Variants in WDR90 observed in about 807,000 individuals in gnomAD.
The protein encoded by WDR90 is WD repeat-containing protein 90.
A neutral mutation model predicts 195.2 loss-of-function variants in WDR90; 238 were observed. The observed-to-expected ratio is 1.22, with a 90% CI of 1.10 to 1.36. WDR90 has a LOEUF of 1.36. WDR90 is among the 40% of genes most tolerant of loss of function. The pLI is 0.00. For missense variants in WDR90, 2,734 were observed against 2,439.5 expected (o/e 1.12, Z -2.54); for synonymous variants, 1,265 against 1,052.4 (o/e 1.20, Z -3.91).
chr16:655,719 C>T lies in WDR90; in HGVS notation c.1849+16C>T. The T allele has an allele frequency of 1.3e-6, 2 of 1,582,882 alleles. No homozygotes were observed. Among genetic ancestry groups the T allele is most frequent in the Admixed American group, 1.8e-5 (1 of 55,990 alleles). On this transcript the variant is annotated intron_variant, in intron 16 of 40. Transcript: ENST00000293879. Reference sequence around the variant, plus strand: ...TTCAGCTCAGGTAAGAGGGCGCCCACCACGTGGCCAGGGTGGCAGGGACAC... The same window carrying T: ...TTCAGCTCAGGTAAGAGGGCGCCCATCACGTGGCCAGGGTGGCAGGGACAC...
In WDR90 at chr16:662,043, G is replaced by A. The variant is rs185839646; in HGVS notation, c.4017G>A (p.Ala1339=). 4.4e-4 allele frequency: 702 copies of A among 1,601,762 alleles called. 2 individuals are homozygous for A. In the African/African-American group the frequency reaches 8.1e-3, roughly 18 times the overall value. Residue 1339 remains alanine (A), a synonymous_variant, in exon 32 of 41, where the codon GCG becomes GCA. Transcript: ENST00000293879. ...GCCGCTGCTTCTTGTCCTGGGAGGC[G>A]GATGACGGTGGCATTGGTGAGTGCC... is the stretch of plus-strand genomic sequence containing the variant. ...RAGRCFLSWE[A]DDGGIGLLLF... is the part of the protein sequence containing the mutation.
At position 661,077 on chromosome 16, in the gene WDR90, C is replaced by A. The variant is rs866959881; in HGVS notation, c.3418C>A (p.Leu1140Met). Residue 1140 changes from leucine to methionine, a missense_variant, in exon 29 of 41, where the codon CTG becomes ATG. Leu to Met is a conservative substitution (Grantham distance 15, BLOSUM62 2). Coordinates refer to ENST00000293879, the MANE Select transcript of WDR90 (RefSeq NM_145294.5). ...CTTCTTTGCCTACACGTGCGGCCGC[C>A]TGGTGGTGGTGGAGGACCTGCACTC... ...TGFFAYTCGR[L>M]VVVEDLHSGA... The A allele has an allele frequency of 6.9e-7, 1 of 1,455,882 alleles. No homozygotes were observed. The highest frequency in any genetic ancestry group is 3.8e-5 in the East Asian group (1 of 26,364). 90.2% of individuals were successfully genotyped at this position (1,455,882 alleles called of 1,614,324 possible).
chr16:649,407 C>G lies in WDR90; in HGVS notation c.-10C>G. 3 of 1,314,396 alleles carry G rather than the reference C, an allele frequency of 2.3e-6. No individual in the cohort carries two copies. The highest frequency in any genetic ancestry group is 1.9e-6 in the Non-Finnish European group (2 of 1,034,654). The allele number at this position is 1,314,396 out of a possible 1,614,324, so 81.4% of individuals were successfully genotyped here. A position where few individuals can be genotyped will look rare whatever the true frequency, so the allele number is the denominator to read the frequency against. On this transcript the variant is annotated 5_prime_UTR_variant, in exon 1 of 41. Coordinates refer to ENST00000293879, the MANE Select transcript of WDR90 (RefSeq NM_145294.5). ...CGGAGGCCTAGGCGGGAAGCTCGAG[C>G]GGCGGCGCCATGGCCCGAGGTAGCG... is the stretch of plus-strand genomic sequence containing the variant.
At chr16:664,846 A>AT (rs1231969166) in intron 34 of WDR90, 2 of 152,016 alleles carry the variant, frequency 1.3e-5, no homozygotes, top group East Asian at 3.9e-4. Flanking sequence ...CGCCCGACTA[A>AT]TTTTTTGTAT....
At chr16:662,495 C>A in intron 33 of WDR90, 164 bp downstream of exon 33, 1 of 1,181,896 alleles carries the variant, frequency 8.5e-7, no homozygotes, top group Non-Finnish European at 1.2e-6. Context: ...TCACTGGCTG[C>A]TGTCGAGTAC....
In WDR90 at chr16:653,763, C is replaced by T. The variant is rs745884165; in HGVS notation, c.1397C>T (p.Ala466Val). ...VCSLSFSDSGALLCGVGKDHH... is the reference protein window; with the variant it reads ...VCSLSFSDSGVLLCGVGKDHH... ...GTTCACAGCTTCTCTGACAGCGGGG[C>T]CCTTCTCTGCGGGGTTGGCAAGGAC... Residue 466 changes from alanine to valine, a missense_variant, in exon 13 of 41, where the codon GCC (alanine) becomes GTC (valine). By Grantham distance (64) the Ala-to-Val change is moderately conservative. Coordinates refer to ENST00000293879, the MANE Select transcript of WDR90 (RefSeq NM_145294.5). 97 of 1,613,154 alleles carry T rather than the reference C, an allele frequency of 6.0e-5. No homozygotes were observed. The highest frequency in any genetic ancestry group is 7.7e-5 in the South Asian group (7 of 91,092).
Position 655,312 on chromosome 16 carries a change from C to T in WDR90, c.1562C>T (p.Ala521Val), listed in dbSNP as rs769605192. Residue 521 changes from alanine to valine, a missense_variant, in exon 15 of 41, where the codon GCG (alanine) becomes GTG (valine). Ala to Val is a moderately conservative substitution (Grantham distance 64). Transcript: ENST00000293879. ...RVTFFDETRM[A>V]SCGQGSVRLW... ...TCAGTCCTCATTCCTTGCAGGATGG[C>T]GTCGTGCGGGCAGGGCAGTGTGCGG... The T allele has an allele frequency of 1.6e-5, 26 of 1,605,852 alleles. No homozygotes were observed. The highest frequency in any genetic ancestry group is 1.4e-4 in the South Asian group (13 of 91,056).
intron 34 of WDR90, chr16:663,063 A>G (rs1220931942): frequency 1.4e-6 from 1 of 720,922 alleles, no homozygotes; most frequent in South Asian, 1.5e-5. Context: ...CAGGCCTTGC[A>G]GGTCTTCTCA....
chr16:656,941 C>G, intron 19 of WDR90, 70 bp downstream of exon 19: 1 of 1,572,490 alleles, frequency 6.4e-7, no homozygotes, highest in Non-Finnish European at 8.6e-7. Flanking sequence ...AGGTGGGGGT[C>G]ATGTGCAGGA....
chr16:649,645 G>T, intron 1 of WDR90, 118 bp from the exon 2 acceptor site: 1 of 1,188,176 alleles, frequency 8.4e-7, no homozygotes, highest in Non-Finnish European at 1.1e-6. Context: ...CGTTGGCGTC[G>T]CCGGGGAAGG....
In WDR90 at chr16:657,208, C is replaced by T; in HGVS notation, c.2460C>T (p.Val820=). 5.8e-6 allele frequency: 9 copies of T among 1,549,788 alleles called. No homozygotes were observed. The highest frequency in any genetic ancestry group is 7.9e-6 in the Non-Finnish European group (9 of 1,146,394). Residue 820 remains valine (V), a synonymous_variant, in exon 20 of 41, where the codon GTC becomes GTT. Transcript: ENST00000293879. ...QYSCADPQWH[V]LRVAADMVCP... ...GCTGTGCGGACCCCCAGTGGCATGT[C>T]CTCCGAGTGGCAGGTTGGGCCCCCT... is the stretch of plus-strand genomic sequence containing the variant.
At position 653,454 on chromosome 16, in the gene WDR90, G is replaced by A; in HGVS notation, c.1233+3G>A. ...TCTTCCTTGGCCACACAGACAAGGT[G>A]GGTGCTGCCCGGGCCTGGGGCAGCT... On this transcript the variant is annotated splice_donor_region_variant and intron_variant, in intron 11 of 40. Transcript: ENST00000293879. The A allele has an allele frequency of 6.2e-7, 1 of 1,612,402 alleles. No homozygotes were observed. The highest frequency in any genetic ancestry group is 8.5e-7 in the Non-Finnish European group (1 of 1,179,590).
chr16:657,126 C>G lies in WDR90; in HGVS notation c.2378C>G (p.Thr793Ser), dbSNP rs771411840. Residue 793 changes from threonine (T) to serine (S), a missense_variant, in exon 20 of 41, where the codon ACC becomes AGC. Coordinates refer to ENST00000293879, the MANE Select transcript of WDR90 (RefSeq NM_145294.5). The part of the protein sequence containing the change: ...HRGAVTGLTA[T>S]PDGRLLFSSC... ...GGAGCTGTCACCGGCCTGACCGCCA[C>G]CCCTGACGGCCGCCTGCTCTTCAGC... 2 of 1,583,664 alleles carry G rather than the reference C, an allele frequency of 1.3e-6. No individual in the cohort carries two copies. The highest frequency in any genetic ancestry group is 2.3e-5 in the South Asian group (2 of 87,006).
At chr16:659,453 C>T (rs1567219657) in intron 26 of WDR90, 77 bp downstream of exon 26, 3 of 1,530,764 alleles carry the variant, frequency 2.0e-6, no homozygotes, top group East Asian at 4.8e-5. Context: ...AGCAGGTACT[C>T]ACGCACGTCC....
chr16:662,600 C>G (rs922619191), intron 33 of WDR90, 79 bp from the exon 34 acceptor site: 3 of 1,503,772 alleles, frequency 2.0e-6, no homozygotes, highest in African/African-American at 2.8e-5. Context: ...AGGGCCCTGC[C>G]TCGGCTGGGG....
rs1038680045 is a variant in WDR90 at position 666,744 on chromosome 16, C to T, written c.4956C>T (p.Gly1652=). The T allele has an allele frequency of 1.2e-6, 2 of 1,612,660 alleles. No individual in the cohort carries two copies. Among genetic ancestry groups the T allele is most frequent in the Non-Finnish European group, 1.7e-6 (2 of 1,179,964 alleles). The change falls in exon 39 of 41, where the codon GGC becomes GGT. Residue 1652 remains glycine (G), a synonymous_variant. Transcript: ENST00000293879. ...PWDGALLMYV[G]PGVYKEVIIY... ...ATGGGGCGCTCCTGATGTACGTGGG[C>T]CCCGGTGTTTACAAGGAGGTGATCA...
chr16:651,650 T>G lies in WDR90; in HGVS notation c.743T>G (p.Leu248Arg). 6.2e-7 allele frequency: 1 copy of G among 1,612,506 alleles called. No individual in the cohort carries two copies. Among genetic ancestry groups the G allele is most frequent in the East Asian group, 2.2e-5 (1 of 44,882 alleles). ...GTTCTTTGCTCTGTTCTAGTCCTCC[T>G]GGGGCCGGGGCCACAGCCTCTCCCT... ...KSCSPPEAVL[L>R]GPGPQPLPCP... The change falls in exon 8 of 41, where the codon CTG (leucine) becomes CGG (arginine). Residue 248 changes from leucine (L) to arginine (R), a missense_variant. Physicochemically the swap from Leu to Arg is moderately radical, Grantham distance 102. Transcript: ENST00000293879.
intron 13 of WDR90, chr16:654,695 C>T (rs890632246): frequency 2.1e-5 from 7 of 339,880 alleles, no homozygotes; most frequent in Non-Finnish European, 3.3e-5. Context: ...AGCAGTCCTC[C>T]CACCTCAGCC....
At chr16:658,388 C>T in intron 22 of WDR90, 44 bp downstream of exon 22, 10 of 1,597,276 alleles carry the variant, frequency 6.3e-6, no homozygotes, top group Non-Finnish European at 7.7e-6. Context: ...CCTCCCTGTG[C>T]TGTCCAGGCC....
Sources: gnomAD v4.1 joint callset for allele counts on GRCh38, gnomAD v4.1.1 for gene constraint, MANE v1.5 for transcripts, NCBI Gene and HGNC (gene_info 2026-07-23, HGNC 2026-07-21) for gene names.